Variants in CDH12 observed in about 807,000 individuals in gnomAD.
The protein encoded by CDH12 is cadherin 12.
In CDH12, 41 loss-of-function variants were observed where a neutral mutation model predicts 74.1. The ratio of observed to expected loss-of-function variants is 0.55; its 90% confidence interval spans 0.43 to 0.72. CDH12 has a LOEUF of 0.72. CDH12 is among the 30% of genes least tolerant of loss of function. The pLI is 0.00. For missense variants in CDH12, 945 were observed against 977.2 expected, an observed-to-expected ratio of 0.97 and a Z score of 0.44; for synonymous variants, 399 against 355.0, an observed-to-expected ratio of 1.12 and a Z score of -1.39.
chr5:21,954,737 T>C (rs1186550834), intron 6 of CDH12, among the ~76,000 whole-genome samples: 1 of 152,120 alleles, frequency 6.6e-6, no homozygotes, highest in Non-Finnish European at 1.5e-5. Flanking sequence ...GTTTTAATAC[T>C]GGAGGAACAA....
intron 3 of CDH12, among the ~76,000 whole-genome samples, chr5:22,227,716 T>C (rs1267651260): frequency 1.3e-5 from 2 of 152,082 alleles, no homozygotes; most frequent in Non-Finnish European, 2.9e-5. Flanking sequence ...CTGTGGAAAG[T>C]GTGTGATTCT....
chr5:21,976,512 GTATAAA>G (rs1237614287), intron 5 of CDH12, among the ~76,000 whole-genome samples: 1 of 150,062 alleles, frequency 6.7e-6, no homozygotes, highest in Non-Finnish European at 1.5e-5. Context: ...GTATATATTT[GTATAAA>G]TATATTCTTA....
In CDH12 at chr5:21,868,199, G is replaced by GT. The variant is rs531377034; in HGVS notation, c.527-13410dup. Reference sequence around the variant, plus strand: ...GCCTCTTTCTTTTGTAAATTTCACCGTCCACCATGATTGTGAGGCCTCCCC... The same window carrying GT: ...GCCTCTTTCTTTTGTAAATTTCACCGTTCCACCATGATTGTGAGGCCTCCCC... On this transcript the variant is annotated intron_variant, in intron 6 of 14. Transcript: ENST00000382254. Among the ~76,000 whole-genome samples, 124 of 134,746 alleles carry GT rather than the reference G, an allele frequency of 9.2e-4. 9 individuals carry two copies. Among genetic ancestry groups the GT allele is most frequent in the African/African-American group, 3.8e-3 (118 of 31,172 alleles). 88.4% of individuals were successfully genotyped at this position (134,746 alleles called of 152,430 possible).
At chr5:22,823,901 T>C (rs1047891716) in intron 1 of CDH12, among the ~76,000 whole-genome samples, 2 of 152,176 alleles carry the variant, frequency 1.3e-5, no homozygotes, top group Admixed American at 6.5e-5. Flanking sequence ...CTTTATAAAC[T>C]ACCCAGTCTC....
chr5:22,141,774 AAAAGTTAAAAAATATAAGAGGAAAAGC>A (rs1746812971), intron 4 of CDH12, among the ~76,000 whole-genome samples: 1 of 152,182 alleles, frequency 6.6e-6, no homozygotes, highest in Non-Finnish European at 1.5e-5. Flanking sequence ...CAAAGAAGAT[AAAAGTTAAAAAATATAAGAGGAAAAGC>A]AATAGTTAAC....
At chr5:22,223,830 G>A (rs77381201) in intron 3 of CDH12, among the ~76,000 whole-genome samples, 3,858 of 152,056 alleles carry the variant, frequency 0.025, 69 homozygotes, top group African/African-American at 0.052. Context: ...GGTGCCCAAC[G>A]AATAGAGCAT....
At chr5:22,642,448 T>C (rs1195786305) in intron 1 of CDH12, among the ~76,000 whole-genome samples, 1 of 152,158 alleles carries the variant, frequency 6.6e-6, no homozygotes, top group African/African-American at 2.4e-5. Context: ...ATGACATTCA[T>C]TTGAAAAAGA....
In CDH12 at chr5:22,137,731, G is replaced by A. The variant is rs374799002; in HGVS notation, c.-186-58869C>T. ...TAACATTATTTTGATAATTTATTGC[G>A]ACCCCATTGCCAAAAACAGGCACAA... On this transcript the variant is annotated intron_variant, in intron 4 of 14. Coordinates refer to ENST00000382254, the MANE Select transcript of CDH12 (RefSeq NM_004061.5). Among the ~76,000 whole-genome samples, 357 of 151,920 alleles carry A rather than the reference G, an allele frequency of 2.3e-3. 1 individual carries two copies. Among genetic ancestry groups the A allele is most frequent in the African/African-American group, 8.0e-3 (333 of 41,430 alleles).
At chr5:21,816,355 G>A (rs969475646) in intron 9 of CDH12, among the ~76,000 whole-genome samples, 2 of 151,902 alleles carry the variant, frequency 1.3e-5, no homozygotes, top group Non-Finnish European at 2.9e-5. Context: ...GGCTGGGTGT[G>A]GTGGCTTACG....
intron 6 of CDH12, among the ~76,000 whole-genome samples, chr5:21,951,786 T>G (rs1461830433): frequency 2.0e-5 from 3 of 152,240 alleles, no homozygotes; most frequent in Non-Finnish European, 4.4e-5. Flanking sequence ...AGGTGCATTT[T>G]AGCTCTTTTG....
intron 4 of CDH12, among the ~76,000 whole-genome samples, chr5:22,155,844 T>C (rs1451771459): frequency 6.6e-6 from 1 of 152,106 alleles, no homozygotes; most frequent in African/African-American, 2.4e-5. Context: ...TAGAATTCTA[T>C]GCCTTCTAGA....
chr5:22,589,417 G>A (rs1740570949), intron 1 of CDH12, among the ~76,000 whole-genome samples: 2 of 152,108 alleles, frequency 1.3e-5, no homozygotes, highest in South Asian at 4.2e-4. Flanking sequence ...AAGATTTTGA[G>A]GCCCATGGCT....
chr5:21,929,900 G>T (rs1754757405), intron 6 of CDH12, among the ~76,000 whole-genome samples: 1 of 152,058 alleles, frequency 6.6e-6, no homozygotes, highest in Non-Finnish European at 1.5e-5. Context: ...AGATAATACT[G>T]CTCTCATATA....
chr5:22,325,219 A>G (rs1739035383), intron 3 of CDH12, among the ~76,000 whole-genome samples: 1 of 152,224 alleles, frequency 6.6e-6, no homozygotes, highest in East Asian at 1.9e-4. Flanking sequence ...ATAAATCATA[A>G]CAAAAACAAG....
At chr5:22,001,354 A>G (rs920398436) in intron 5 of CDH12, among the ~76,000 whole-genome samples, 17 of 152,218 alleles carry the variant, frequency 1.1e-4, no homozygotes, top group Non-Finnish European at 2.1e-4. Flanking sequence ...TGTATCATCA[A>G]TGGCTGTATT....
intron 5 of CDH12, among the ~76,000 whole-genome samples, chr5:22,021,370 A>C (rs993103008): frequency 6.6e-6 from 1 of 152,154 alleles, no homozygotes; most frequent in Non-Finnish European, 1.5e-5. Context: ...AGGAGATAGG[A>C]TCTATCAGAG....
At chr5:22,378,322 T>C (rs1382527567) in intron 3 of CDH12, among the ~76,000 whole-genome samples, 1 of 152,154 alleles carries the variant, frequency 6.6e-6, no homozygotes, top group Non-Finnish European at 1.5e-5. Context: ...CATATATTAC[T>C]ACAGGCTGCC....
chr5:22,443,974 G>A (rs1744723950), intron 2 of CDH12, among the ~76,000 whole-genome samples: 1 of 152,000 alleles, frequency 6.6e-6, no homozygotes, highest in Admixed American at 6.6e-5. Context: ...GAAGAAAGAA[G>A]GTTTGAATGA....
At chr5:21,872,894 C>CATCTATCTATCTATCT (rs59704352) in intron 6 of CDH12, among the ~76,000 whole-genome samples, 37,956 of 146,612 alleles carry the variant, frequency 0.26, 5,268 homozygotes, top group Admixed American at 0.33. Flanking sequence ...ACCTATCATC[C>CATCTATCTATCTATCT]ATCTATCTAT....
Sources: allele counts gnomAD v4.1 joint callset (sites outside exome capture counted in the v4.1 genomes callset), GRCh38; gene constraint gnomAD v4.1.1; transcripts MANE v1.5; gene names NCBI Gene and HGNC (gene_info 2026-07-23, HGNC 2026-07-21).